Variants in KCTD8 observed in about 807,000 individuals in gnomAD.
KCTD8 encodes the protein potassium channel tetramerization domain containing 8.
KCTD8 carries 27 observed loss-of-function variants against 31.5 expected under a neutral mutation model. The ratio of observed to expected loss-of-function variants is 0.86; its 90% CI spans 0.63 to 1.18. KCTD8 has a LOEUF of 1.18. KCTD8 is among the 50% of genes most tolerant of loss of function. The pLI, the probability that KCTD8 is intolerant of heterozygous loss-of-function variation, is 0.00. For missense variants in KCTD8, 658 were observed against 647.7 expected (o/e 1.02, Z -0.17); for synonymous variants, 290 against 280.0 (o/e 1.04, Z -0.36).
At chr4:44,401,810 T>C (rs1228615973) in intron 1 of KCTD8, among the ~76,000 whole-genome samples, 1 of 152,196 alleles carries the variant, frequency 6.6e-6, no homozygotes, top group East Asian at 1.9e-4. Flanking sequence ...TTCTCATTCC[T>C]TAATACTTTC....
chr4:44,390,239 T>G (rs1720333074), intron 1 of KCTD8, among the ~76,000 whole-genome samples: 1 of 151,940 alleles, frequency 6.6e-6, no homozygotes, highest in Non-Finnish European at 1.5e-5. Context: ...GTTTTTCCGA[T>G]GTTATCTTCT....
At chr4:44,355,129 T>C (rs1427771497) in intron 1 of KCTD8, among the ~76,000 whole-genome samples, 3 of 152,152 alleles carry the variant, frequency 2.0e-5, no homozygotes, top group Non-Finnish European at 4.4e-5. Context: ...ATATTTATAA[T>C]GAAAACTGTC....
At chr4:44,407,857 G>C (rs536321343) in intron 1 of KCTD8, among the ~76,000 whole-genome samples, 1 of 151,908 alleles carries the variant, frequency 6.6e-6, no homozygotes, top group Non-Finnish European at 1.5e-5. Flanking sequence ...CATTATAATC[G>C]GAATAGTTTC....
At chr4:44,408,649 T>G (rs772911734) in intron 1 of KCTD8, among the ~76,000 whole-genome samples, 1 of 152,150 alleles carries the variant, frequency 6.6e-6, no homozygotes, top group East Asian at 1.9e-4. Flanking sequence ...AGACGGAGTC[T>G]TGCGCTGTTG....
Position 44,448,600 on chromosome 4 carries a change from C to T in KCTD8, c.-77G>A. ...CCGGAGCCCGCGCCCCAGCCCTCCGCGTGCTCCTGGCGCTCTGCGCCCTCG... is the reference window on the plus strand; with the variant it reads ...CCGGAGCCCGCGCCCCAGCCCTCCGTGTGCTCCTGGCGCTCTGCGCCCTCG... On this transcript the variant is annotated 5_prime_UTR_variant, in exon 1 of 2. Transcript: ENST00000360029. The surrounding 1 kb of genome is among the most constrained non-coding windows in gnomAD (Gnocchi z 4.1). 1 of 1,347,440 alleles carries T rather than the reference C, an allele frequency of 7.4e-7. No homozygotes were observed. The highest frequency in any genetic ancestry group is 9.5e-7 in the Non-Finnish European group (1 of 1,051,488). The allele number at this position is 1,347,440 out of a possible 1,614,324, so 83.5% of individuals were successfully genotyped here. A position where few individuals can be genotyped will look rare whatever the true frequency, so the allele number is the denominator to read the frequency against.
At chr4:44,247,249 A>G (rs1459896435) in intron 1 of KCTD8, among the ~76,000 whole-genome samples, 2 of 151,804 alleles carry the variant, frequency 1.3e-5, no homozygotes, top group South Asian at 2.1e-4. Flanking sequence ...TATGGTACCA[A>G]TTGTTCCAAA....
At chr4:44,420,283 T>G (rs568177215) in intron 1 of KCTD8, among the ~76,000 whole-genome samples, 21 of 152,216 alleles carry the variant, frequency 1.4e-4, no homozygotes, top group African/African-American at 4.6e-4. Context: ...TATTTGAGTG[T>G]GAAGGTCACA....
chr4:44,175,458 A>G (rs1222865439), intron 1 of KCTD8, among the ~76,000 whole-genome samples: 6 of 152,180 alleles, frequency 3.9e-5, no homozygotes, highest in African/African-American at 9.7e-5. Context: ...ATGCTGATTA[A>G]TTATTCAAAA....
chr4:44,368,496 G>A (rs1719699278), intron 1 of KCTD8, among the ~76,000 whole-genome samples: 1 of 152,112 alleles, frequency 6.6e-6, no homozygotes, highest in Non-Finnish European at 1.5e-5. Context: ...AATTCTTTTG[G>A]GTGAGATTAG....
chr4:44,254,612 C>G (rs1203111231), intron 1 of KCTD8, among the ~76,000 whole-genome samples: 2 of 151,628 alleles, frequency 1.3e-5, no homozygotes, highest in African/African-American at 4.8e-5. Context: ...TGATCTATGC[C>G]TTTTTAGCCT....
chr4:44,394,141 G>A (rs1720439676), intron 1 of KCTD8, among the ~76,000 whole-genome samples: 1 of 151,842 alleles, frequency 6.6e-6, no homozygotes, highest in South Asian at 2.1e-4. Flanking sequence ...ACCTAATTAC[G>A]AGTAGTAAAC....
chr4:44,343,682 A>G (rs922690316), intron 1 of KCTD8, among the ~76,000 whole-genome samples: 3 of 152,328 alleles, frequency 2.0e-5, no homozygotes, highest in Non-Finnish European at 2.9e-5. Flanking sequence ...GGGTTTTCAC[A>G]AGAATAAAAT....
chr4:44,257,673 A>G (rs1032101363), intron 1 of KCTD8, among the ~76,000 whole-genome samples: 1 of 151,958 alleles, frequency 6.6e-6, no homozygotes, highest in African/African-American at 2.4e-5. Context: ...CTTTTGTACT[A>G]TTGCTTAATA....
At chr4:44,250,566 G>T (rs550337280) in intron 1 of KCTD8, among the ~76,000 whole-genome samples, 1 of 151,710 alleles carries the variant, frequency 6.6e-6, no homozygotes, top group African/African-American at 2.4e-5. Context: ...CTGCACCCAC[G>T]GGGTCTGATT....
intron 1 of KCTD8, among the ~76,000 whole-genome samples, chr4:44,299,506 G>A (rs1378120869): frequency 6.6e-6 from 1 of 152,068 alleles, no homozygotes; most frequent in South Asian, 2.1e-4. Flanking sequence ...CAAGGCAGGC[G>A]GATCACAAGG....
At chr4:44,320,932 T>C (rs968868285) in intron 1 of KCTD8, among the ~76,000 whole-genome samples, 1 of 152,040 alleles carries the variant, frequency 6.6e-6, no homozygotes, top group African/African-American at 2.4e-5. Flanking sequence ...GATAACAAGA[T>C]TTAAGTGAGA....
intron 1 of KCTD8, among the ~76,000 whole-genome samples, chr4:44,314,316 T>C (rs1718045330): frequency 6.6e-6 from 1 of 152,162 alleles, no homozygotes; most frequent in Non-Finnish European, 1.5e-5. Flanking sequence ...TAAAAGTAGA[T>C]GCAGCTGGTG....
rs575466722 is a variant in KCTD8, at chr4:44,366,165, A to T, written c.961+81398T>A. 8.5e-5 allele frequency among the ~76,000 whole-genome samples: 13 copies of T among 152,292 alleles called. No homozygotes were observed. The South Asian group carries it at 2.7e-3, about 32-fold the overall frequency. On this transcript the variant is annotated intron_variant, in intron 1 of 1. Transcript: ENST00000360029. ...CTTAAGAATGTACGACTAGAAAAAA[A>T]AATCATTAAAACAAGTACCCAAGCA...
intron 1 of KCTD8, among the ~76,000 whole-genome samples, chr4:44,352,025 G>T (rs957126246): frequency 7.9e-5 from 12 of 151,858 alleles, no homozygotes; most frequent in Non-Finnish European, 1.3e-4. Flanking sequence ...TGAGACTGGG[G>T]ATATAGAGAA....
Sources: allele counts gnomAD v4.1 joint callset (sites outside exome capture counted in the v4.1 genomes callset), GRCh38; gene constraint gnomAD v4.1.1; non-coding constraint Gnocchi (gnomAD v3.1); transcripts MANE v1.5; gene names NCBI Gene and HGNC (gene_info 2026-07-23, HGNC 2026-07-21).